The following RNF212 variants were observed in gnomAD, a reference collection of about 807,000 sequenced individuals.
The protein encoded by RNF212 is probable E3 SUMO-protein ligase RNF212.
A neutral mutation model predicts 34.7 loss-of-function variants in RNF212; 33 were observed. The observed-to-expected ratio is 0.95, with a 90% CI of 0.72 to 1.27. The LOEUF (loss-of-function observed/expected upper bound fraction) is 1.27, where lower values mean the gene tolerates loss of function less well. RNF212 is among the 50% of genes most tolerant of loss of function. The pLI is 0.00. For synonymous variants in RNF212, 140 were observed against 136.1 expected, an observed-to-expected ratio of 1.03 and a Z score of -0.20; for missense variants, 377 against 362.2, an observed-to-expected ratio of 1.04 and a Z score of -0.33.
chr4:1,084,031 C>T (rs965921591), intron 5 of RNF212, among the ~76,000 whole-genome samples: 2 of 151,038 alleles, frequency 1.3e-5, no homozygotes, highest in Non-Finnish European at 1.5e-5. Context: ...TCACCGCAAC[C>T]TCTGCCTCCC....
chr4:1,068,257 G>C (rs1718217331), downstream of RNF212, among the ~76,000 whole-genome samples: 1 of 152,206 alleles, frequency 6.6e-6, no homozygotes, highest in Admixed American at 6.5e-5. Context: ...TTTCTGAAAG[G>C]AGAAAATATA....
At chr4:1,089,025 G>T (rs1283925765) in intron 4 of RNF212, among the ~76,000 whole-genome samples, 3 of 152,246 alleles carry the variant, frequency 2.0e-5, no homozygotes, top group Non-Finnish European at 4.4e-5. Context: ...AATGTGCGGT[G>T]GTTGTTCCCA....
intron 8 of RNF212, 115 bp downstream of exon 8, chr4:1,079,528 A>C: frequency 1.3e-6 from 1 of 786,380 alleles, no homozygotes; most frequent in East Asian, 2.4e-5. Context: ...AAGCAGCAGC[A>C]CTGTGCAAAG....
At chr4:1,061,917 G>A (rs780979134) in intron 3 of RNF212, among the ~76,000 whole-genome samples, 5 of 152,166 alleles carry the variant, frequency 3.3e-5, no homozygotes, top group African/African-American at 7.2e-5. Flanking sequence ...AAACAGAAGC[G>A]TGACCACACT....
chr4:1,085,747 T>C lies in RNF212; in HGVS notation c.362+149A>G. The C allele has an allele frequency of 6.0e-6, 4 of 664,014 alleles. No individual in the cohort carries two copies. The South Asian group carries it at 6.9e-5, about 11-fold the overall frequency. The allele number at this position is 664,014 out of a possible 1,614,324, so 41.1% of individuals were successfully genotyped here. On this transcript the variant is annotated intron_variant, in intron 5 of 9. Coordinates refer to ENST00000433731, the MANE Select transcript of RNF212 (RefSeq NM_001131034.4). ...TCCCTTCGGTTTTCCCACAGCATTT[T>C]TGCTCTGATGAAAGTTTCTGGTAAA...
intron 2 of RNF212, among the ~76,000 whole-genome samples, chr4:1,097,182 G>C (rs1190997215): frequency 6.6e-6 from 1 of 152,186 alleles, no homozygotes; most frequent in African/African-American, 2.4e-5. Flanking sequence ...TTAGTATGGA[G>C]ACATACTAAA....
At chr4:1,078,161 ACT>A (rs759803450) in intron 8 of RNF212, among the ~76,000 whole-genome samples, 16 of 152,186 alleles carry the variant, frequency 1.1e-4, no homozygotes, top group Non-Finnish European at 2.2e-4. Flanking sequence ...AATGAGCCAC[ACT>A]GTGTCGCACA....
intron 4 of RNF212, among the ~76,000 whole-genome samples, chr4:1,088,200 G>A (rs1470788218): frequency 6.6e-6 from 1 of 152,220 alleles, no homozygotes; most frequent in African/African-American, 2.4e-5. Flanking sequence ...ATAGTGATAT[G>A]GATGGTGAAG....
Position 1,073,072 on chromosome 4 carries a change from G to A in RNF212, c.696C>T (p.His232=). 1 of 1,614,206 alleles carries A rather than the reference G, an allele frequency of 6.2e-7. No homozygotes were observed. The highest frequency in any genetic ancestry group is 1.1e-5 in the South Asian group (1 of 91,084). The change falls in exon 10 of 10, where the codon CAC becomes CAT. Residue 232 remains histidine (H), a synonymous_variant. Transcript: ENST00000433731. ...SPCFCIDVCP[H]WLLLLAFSSG... The stretch of plus-strand genomic sequence containing the variant: ...AACTGAACGCTAGGAGGAGCAGCCA[G>A]TGAGGACAGACGTCTATGCAGAAAC...
intron 5 of RNF212, 155 bp downstream of exon 5, chr4:1,085,741 G>C: frequency 1.5e-6 from 1 of 648,344 alleles, no homozygotes. Context: ...TTTTCCCACA[G>C]CATTTTTGCT....
chr4:1,078,193 T>G (rs2153040452), intron 8 of RNF212, among the ~76,000 whole-genome samples: 1 of 152,202 alleles, frequency 6.6e-6, no homozygotes, highest in African/African-American at 2.4e-5. Flanking sequence ...AACACATAAA[T>G]CAAATAAGCC....
At position 1,085,876 on chromosome 4, in the gene RNF212, C is replaced by A. The variant is rs755872120; in HGVS notation, c.362+20G>T. On this transcript the variant is annotated intron_variant, in intron 5 of 9. Transcript: ENST00000433731. ...AGTGGGTGCCTCGACTGCGCACTCA[C>A]GGGGGGTGGGGCGCCTTACCTTTGT... 5 of 1,598,422 alleles carry A rather than the reference C, an allele frequency of 3.1e-6. No individual in the cohort carries two copies. The highest frequency in any genetic ancestry group is 3.3e-5 in the Admixed American group (2 of 60,014).
chr4:1,087,966 T>A (rs1200840496), intron 4 of RNF212, among the ~76,000 whole-genome samples: 1 of 152,108 alleles, frequency 6.6e-6, no homozygotes, highest in East Asian at 1.9e-4. Context: ...AATCACCCAG[T>A]CTCAGGTAGT....
chr4:1,090,479 C>T (rs1415522160), intron 4 of RNF212, among the ~76,000 whole-genome samples: 1 of 152,340 alleles, frequency 6.6e-6, no homozygotes, highest in East Asian at 1.9e-4. Context: ...AGCCTTCAAG[C>T]TGCCTTCCAA....
intron 2 of RNF212, among the ~76,000 whole-genome samples, chr4:1,104,208 T>G (rs1392987871): frequency 1.3e-5 from 2 of 152,218 alleles, no homozygotes; most frequent in African/African-American, 4.8e-5. Context: ...CCCAACAGGA[T>G]TCTGTGTCTG....
rs1340543732 is a variant in RNF212, at chr4:1,108,785, A to AC, written c.110-382dup. On this transcript the variant is annotated intron_variant, in intron 1 of 9. Transcript: ENST00000433731. ...ATGATCACAGCTCACTGCAGCCTTG[A>AC]CACCCCCGGGCTCAACAGTCTTCCC... Among the ~76,000 whole-genome samples the AC allele has an allele frequency of 7.3e-5, 11 of 151,558 alleles. No individual in the cohort carries two copies. In the East Asian group the frequency reaches 1.6e-3, roughly 21 times the overall value.
Position 1,065,385 on chromosome 4 carries a change from T to A in RNF212, n.148-6992A>T, listed in dbSNP as rs535681944. ...ATAATTCTGAAGTTTGTTTCAGGTT[T>A]AACCATCTTCATAAAAATACTTTGA... On this transcript the variant is annotated intron_variant and non_coding_transcript_variant, in intron 3 of 4. Coordinates refer to the RNF212 transcript ENST00000503206. 2.8e-3 allele frequency among the ~76,000 whole-genome samples: 421 copies of A among 152,394 alleles called. 2 individuals are homozygous for A. Among genetic ancestry groups the A allele is most frequent in the Admixed American group, 4.8e-3 (73 of 15,312 alleles).
At chr4:1,082,716 A>G (rs1400597605) in intron 5 of RNF212, among the ~76,000 whole-genome samples, 7 of 152,152 alleles carry the variant, frequency 4.6e-5, no homozygotes, top group Non-Finnish European at 1.0e-4. Context: ...CTCCCAGAGG[A>G]CGGGCACTGG....
In RNF212 at chr4:1,096,921, C is replaced by G. The variant is rs1304678817; in HGVS notation, c.172-82G>C. The G allele has an allele frequency of 3.0e-6, 3 of 1,012,432 alleles. No individual in the cohort carries two copies. In the South Asian group the frequency reaches 3.9e-5, roughly 13 times the overall value. The allele number at this position is 1,012,432 out of a possible 1,614,324, so 62.7% of individuals were successfully genotyped here. On this transcript the variant is annotated intron_variant, in intron 2 of 9. Transcript: ENST00000433731. ...CCAGTTAAAAACTGTACTTGAAGAC[C>G]TAGAATTAGCTATAGATGACTCAAG...
Sources: gnomAD v4.1 joint callset for allele counts (sites outside exome capture counted in the v4.1 genomes callset) on GRCh38, gnomAD v4.1.1 for gene constraint, MANE v1.5 for transcripts, NCBI Gene and HGNC (gene_info 2026-07-23, HGNC 2026-07-21) for gene names.